EXTL3: variants seen among roughly 807,000 people sequenced by gnomAD.
The protein encoded by EXTL3 is exostosin like glycosyltransferase 3, also known as exostosin-like 3.
EXTL3 carries 27 observed loss-of-function variants against 69.3 expected under a neutral mutation model. That is an observed-to-expected ratio of 0.39 (90% CI 0.29 to 0.54). The LOEUF (loss-of-function observed/expected upper bound fraction) is 0.54, where lower values mean the gene tolerates loss of function less well. Among genes scored for constraint, EXTL3 ranks in the 20% least tolerant of loss-of-function variants. EXTL3 has a pLI of 0.69. For synonymous variants in EXTL3, 511 were observed against 499.4 expected (o/e 1.02, Z -0.31); for missense variants, 1,003 against 1,231.8 (o/e 0.81, Z 2.78).
At chr8:28,622,961 CTT>C (rs1403769327) in intron 1 of EXTL3, among the ~76,000 whole-genome samples, 1 of 152,082 alleles carries the variant, frequency 6.6e-6, no homozygotes, top group Non-Finnish European at 1.5e-5. Context: ...TTTTAAAACT[CTT>C]TGTCTGGCCC....
chr8:28,621,522 A>C (rs1806409458), upstream of EXTL3, among the ~76,000 whole-genome samples: 1 of 152,216 alleles, frequency 6.6e-6, no homozygotes, highest in Non-Finnish European at 1.5e-5. Context: ...AGCGCTAGCT[A>C]ACCAATACAC....
chr8:28,653,775 T>C (rs1479428365), intron 1 of EXTL3, among the ~76,000 whole-genome samples: 1 of 152,248 alleles, frequency 6.6e-6, no homozygotes, highest in African/African-American at 2.4e-5. Flanking sequence ...TTACACTTTT[T>C]TGATTACTGT....
intron 1 of EXTL3, among the ~76,000 whole-genome samples, chr8:28,682,054 C>T (rs943025283): frequency 1.8e-4 from 27 of 152,142 alleles, no homozygotes; most frequent in Admixed American, 1.6e-3. Context: ...AGCGAAACTC[C>T]GTCTCAAACA....
intron 1 of EXTL3, among the ~76,000 whole-genome samples, chr8:28,689,443 T>C (rs1302455118): frequency 1.3e-5 from 2 of 152,220 alleles, no homozygotes; most frequent in African/African-American, 2.4e-5. Context: ...TTAAAAAATA[T>C]AGATCTGACT....
chr8:28,672,206 A>G (rs1034290526), intron 1 of EXTL3, among the ~76,000 whole-genome samples: 1 of 152,062 alleles, frequency 6.6e-6, no homozygotes, highest in Non-Finnish European at 1.5e-5. Flanking sequence ...ACGTGAGGTC[A>G]GGAGATCGAG....
At chr8:28,662,347 T>C (rs1807129967) in intron 1 of EXTL3, among the ~76,000 whole-genome samples, 1 of 152,242 alleles carries the variant, frequency 6.6e-6, no homozygotes, top group Non-Finnish European at 1.5e-5. Context: ...CCTATATTGA[T>C]ATTTTTATTT....
chr8:28,641,271 T>C (rs1020233320), intron 1 of EXTL3, among the ~76,000 whole-genome samples: 1 of 152,206 alleles, frequency 6.6e-6, no homozygotes. Flanking sequence ...GGTTTAACTC[T>C]GTATTAACCG....
intron 1 of EXTL3, among the ~76,000 whole-genome samples, chr8:28,624,014 GATA>G (rs1806454326): frequency 6.6e-6 from 1 of 152,152 alleles, no homozygotes; most frequent in African/African-American, 2.4e-5. Flanking sequence ...GTTGACTTGA[GATA>G]ATAAGAAAAT....
Position 28,718,088 on chromosome 8 carries a change from A to G in EXTL3, c.2029A>G (p.Met677Val). The change falls in exon 3 of 7, where the codon ATG (methionine) becomes GTG (valine). Residue 677 changes from methionine to valine, a missense_variant. Around this residue, in one of 2 missense-constraint regions of EXTL3, gnomAD observed 261 missense variants for 416.4 expected, o/e 0.63. Coordinates refer to ENST00000220562, the MANE Select transcript of EXTL3 (RefSeq NM_001440.4). Reference protein sequence around the residue: ...MLTYEREEVLMNSLERLNGLP... With the variant: ...MLTYEREEVLVNSLERLNGLP... Reference sequence around the variant, plus strand: ...GACTTATGAGCGGGAGGAAGTGCTTATGAACTCTTTAGAGAGGCTGAATGG... The same window carrying G: ...GACTTATGAGCGGGAGGAAGTGCTTGTGAACTCTTTAGAGAGGCTGAATGG... 1.9e-6 allele frequency: 3 copies of G among 1,614,028 alleles called. No individual in the cohort carries two copies. Among genetic ancestry groups the G allele is most frequent in the Non-Finnish European group, 1.7e-6 (2 of 1,179,994 alleles).
rs1028272709 is a variant in EXTL3, at chr8:28,690,243, C to T, written c.-52-23214C>T. Among the ~76,000 whole-genome samples the T allele has an allele frequency of 8.6e-5, 13 of 151,712 alleles. No individual in the cohort carries two copies. The East Asian group carries it at 1.2e-3, about 14-fold the overall frequency. On this transcript the variant is annotated intron_variant, in intron 1 of 6. Transcript: ENST00000523149. Reference sequence around the variant, plus strand: ...TTTTTTCTTTTTTTTGAGAGAGTCTCGCTCTGCTGCCCAGGCTGGATTGCA... The same window carrying T: ...TTTTTTCTTTTTTTTGAGAGAGTCTTGCTCTGCTGCCCAGGCTGGATTGCA...
rs1800652382 is a variant in EXTL3, at chr8:28,694,007, G to A, written c.-52-19450G>A. Among the ~76,000 whole-genome samples, 3 of 152,154 alleles carry A rather than the reference G, an allele frequency of 2.0e-5. No individual in the cohort carries two copies. The South Asian group carries it at 6.2e-4, about 32-fold the overall frequency. On this transcript the variant is annotated intron_variant, in intron 1 of 6. Transcript: ENST00000523149. ...TGATAATTCCCTTTGAAGATTGCTG[G>A]GGGTCACCAATGGCTTGTTTGGGAT...
chr8:28,649,403 G>A (rs1051514258), intron 1 of EXTL3, among the ~76,000 whole-genome samples: 1 of 152,122 alleles, frequency 6.6e-6, no homozygotes, highest in South Asian at 2.1e-4. Flanking sequence ...ACTGTTGGCT[G>A]ACTTAAATTT....
chr8:28,632,870 G>A (rs1163390546), intron 1 of EXTL3, among the ~76,000 whole-genome samples: 7 of 151,978 alleles, frequency 4.6e-5, no homozygotes, highest in Non-Finnish European at 1.0e-4. Flanking sequence ...ATTCTTAATA[G>A]CAACTCTCTG....
At chr8:28,676,809 G>A (rs750633614) in intron 1 of EXTL3, among the ~76,000 whole-genome samples, 8 of 152,132 alleles carry the variant, frequency 5.3e-5, no homozygotes, top group Non-Finnish European at 1.0e-4. Flanking sequence ...TCAGACCCCC[G>A]TGTGCCTAAG....
chr8:28,700,644 C>T (rs1205396796), upstream of EXTL3: 1 of 152,048 alleles, frequency 6.6e-6, no homozygotes, highest in Non-Finnish European at 1.5e-5. Flanking sequence ...GGAGTAGAAG[C>T]CCTGTGTTCT....
intron 6 of EXTL3, among the ~76,000 whole-genome samples, chr8:28,749,371 A>T (rs545573223): frequency 4.2e-4 from 64 of 152,370 alleles, no homozygotes; most frequent in African/African-American, 1.4e-3. Flanking sequence ...AATCATAGTT[A>T]TTAAATTTCA....
At chr8:28,672,589 T>C (rs1002253575) in intron 1 of EXTL3, among the ~76,000 whole-genome samples, 1 of 152,150 alleles carries the variant, frequency 6.6e-6, no homozygotes, top group African/African-American at 2.4e-5. Context: ...GGGGATTTGT[T>C]AGCACTAGGA....
At chr8:28,707,561 A>T (rs1271615541) in intron 1 of EXTL3, among the ~76,000 whole-genome samples, 1 of 152,176 alleles carries the variant, frequency 6.6e-6, no homozygotes, top group African/African-American at 2.4e-5. Flanking sequence ...TTAGCTGTCT[A>T]TGTTGATTGA....
Position 28,608,689 on chromosome 8 carries a change from C to T in EXTL3, n.314+931C>T, listed in dbSNP as rs1290266979. Among the ~76,000 whole-genome samples the T allele has an allele frequency of 2.2e-4, 34 of 152,026 alleles. 1 individual carries two copies. Among genetic ancestry groups the T allele is most frequent in the East Asian group, 9.7e-4 (5 of 5,176 alleles). On this transcript the variant is annotated intron_variant and non_coding_transcript_variant, in intron 2 of 4. Coordinates refer to the EXTL3 transcript ENST00000522725. ...ACCAGCCTGGACAACATGGTGGAAC[C>T]TGGTCTCTACCAAAAATACAAAAAC...
Sources: gnomAD v4.1 joint callset for allele counts (sites outside exome capture counted in the v4.1 genomes callset) on GRCh38, gnomAD v4.1.1 for gene constraint, gnomAD v4.1.1 regional missense constraint, MANE v1.5 for transcripts, NCBI Gene and HGNC (gene_info 2026-07-23, HGNC 2026-07-21) for gene names.